Variants in TSHZ2 observed in about 807,000 individuals in gnomAD.
The protein encoded by TSHZ2 is teashirt homolog 2.
Under a neutral mutation model 74.4 loss-of-function variants are expected in TSHZ2, and 21 were observed. That is an observed-to-expected ratio of 0.28 (90% CI 0.20 to 0.41). The LOEUF (loss-of-function observed/expected upper bound fraction) is 0.41, where lower values mean the gene tolerates loss of function less well. Among genes scored for constraint, TSHZ2 ranks in the 10% least tolerant of loss-of-function variants. TSHZ2 has a pLI of 1.00. For synonymous variants in TSHZ2, 540 were observed against 515.3 expected (o/e 1.05, Z -0.65); for missense variants, 1,244 against 1,293.5 (o/e 0.96, Z 0.59).
At chr20:53,295,205 C>A (rs1991352978) in intron 2 of TSHZ2, among the ~76,000 whole-genome samples, 1 of 152,202 alleles carries the variant, frequency 6.6e-6, no homozygotes. Flanking sequence ...CAAAGCCAGA[C>A]CTCCTGGTTG....
At chr20:53,409,520 T>TA (rs1444046348) in intron 2 of TSHZ2, among the ~76,000 whole-genome samples, 1 of 152,172 alleles carries the variant, frequency 6.6e-6, no homozygotes, top group Non-Finnish European at 1.5e-5. Context: ...CTGCAGAACT[T>TA]AATCAAATAC....
chr20:53,297,314 A>C (rs1991397494), intron 2 of TSHZ2, among the ~76,000 whole-genome samples: 1 of 145,560 alleles, frequency 6.9e-6, no homozygotes, highest in Admixed American at 7.1e-5. Flanking sequence ...GCAGTGATGC[A>C]ATCAGGCTCA....
intron 1 of TSHZ2, among the ~76,000 whole-genome samples, chr20:53,034,242 C>G (rs1983743531): frequency 6.6e-6 from 1 of 152,126 alleles, no homozygotes; most frequent in Non-Finnish European, 1.5e-5. Context: ...CCCCCTTGGA[C>G]AGGTTACTTA....
intron 2 of TSHZ2, among the ~76,000 whole-genome samples, chr20:53,434,510 T>A (rs1488191549): frequency 6.6e-6 from 1 of 152,186 alleles, no homozygotes; most frequent in Non-Finnish European, 1.5e-5. Flanking sequence ...GAAATAGGTT[T>A]TGGAAGAATC....
chr20:53,033,223 A>C lies in TSHZ2; in HGVS notation c.40+59890A>C, dbSNP rs568865607. On this transcript the variant is annotated intron_variant, in intron 1 of 2. Transcript: ENST00000371497. ...AAAACTGATTCTTGCTATCGAGAAT[A>C]GTCCTTTTCTACAGCTGAGAGTTAC... Among the ~76,000 whole-genome samples, 4 of 152,362 alleles carry C rather than the reference A, an allele frequency of 2.6e-5. No homozygotes were observed. In the South Asian group the frequency reaches 8.3e-4, roughly 32 times the overall value.
chr20:53,340,312 G>T (rs1439115020), intron 2 of TSHZ2, among the ~76,000 whole-genome samples: 1 of 150,550 alleles, frequency 6.6e-6, no homozygotes, highest in African/African-American at 2.4e-5. Flanking sequence ...CCTCCGAGTA[G>T]CTGGGACTAC....
chr20:53,193,403 A>T (rs1988788232), intron 1 of TSHZ2, among the ~76,000 whole-genome samples: 1 of 152,208 alleles, frequency 6.6e-6, no homozygotes, highest in African/African-American at 2.4e-5. Flanking sequence ...CTCTGCACCC[A>T]GGCAGTGGCT....
intron 1 of TSHZ2, chr20:53,179,582 A>G (rs924625468): frequency 2.6e-5 from 4 of 152,190 alleles, no homozygotes; most frequent in South Asian, 2.1e-4. Context: ...TTACTGAGTG[A>G]TAGCCCATAA....
chr20:53,359,387 C>A (rs905499408), intron 2 of TSHZ2, among the ~76,000 whole-genome samples: 2 of 152,154 alleles, frequency 1.3e-5, no homozygotes, highest in Non-Finnish European at 2.9e-5. Flanking sequence ...TACATGCCTA[C>A]AATTCCTTAG....
chr20:53,440,302 G>T lies in TSHZ2; in HGVS notation c.*9-46842G>T, dbSNP rs552990958. On this transcript the variant is annotated intron_variant, in intron 2 of 2. Transcript: ENST00000371497. ...AAAGCAGCTGATAACTGATAATGCTGTTGATAGTAACAAGAGGGCAGCCTG... is the reference window on the plus strand; with the variant it reads ...AAAGCAGCTGATAACTGATAATGCTTTTGATAGTAACAAGAGGGCAGCCTG... Among the ~76,000 whole-genome samples the T allele has an allele frequency of 5.3e-4, 80 of 152,300 alleles. 1 individual carries two copies. Among genetic ancestry groups the T allele is most frequent in the African/African-American group, 1.8e-3 (74 of 41,574 alleles).
At chr20:53,080,687 A>G (rs2046242340) in intron 1 of TSHZ2, among the ~76,000 whole-genome samples, 1 of 152,184 alleles carries the variant, frequency 6.6e-6, no homozygotes, top group South Asian at 2.1e-4. Flanking sequence ...GACAGAAGGC[A>G]GAGTTTAGGT....
intron 2 of TSHZ2, among the ~76,000 whole-genome samples, chr20:53,290,206 C>T (rs1991253924): frequency 6.6e-6 from 1 of 151,978 alleles, no homozygotes; most frequent in Admixed American, 6.6e-5. Context: ...ACAATCCCCA[C>T]CACCTCCTAC....
chr20:53,470,112 G>A (rs577854641), intron 2 of TSHZ2, among the ~76,000 whole-genome samples: 1 of 152,276 alleles, frequency 6.6e-6, no homozygotes, highest in East Asian at 1.9e-4. Flanking sequence ...ACAGCAATTA[G>A]TCTCAGTCTC....
At chr20:53,306,427 G>A (rs1280016336) in intron 2 of TSHZ2, among the ~76,000 whole-genome samples, 2 of 152,124 alleles carry the variant, frequency 1.3e-5, no homozygotes, top group Admixed American at 6.5e-5. Context: ...GACAGTGCTG[G>A]AGGTGGTGTT....
In TSHZ2 at chr20:53,442,784, A is replaced by G. The variant is rs138966574; in HGVS notation, c.*9-44360A>G. On this transcript the variant is annotated intron_variant, in intron 2 of 2. Transcript: ENST00000371497. ...GCGTTAGCAAACTTGCCTTAACAACATTGTCAAATATGTATTCCCCCGTTT... is the reference window on the plus strand; with the variant it reads ...GCGTTAGCAAACTTGCCTTAACAACGTTGTCAAATATGTATTCCCCCGTTT... 8.2e-3 allele frequency among the ~76,000 whole-genome samples: 1,255 copies of G among 152,304 alleles called. 23 individuals carry two copies. Among genetic ancestry groups the G allele is most frequent in the African/African-American group, 0.028 (1,180 of 41,566 alleles).
chr20:53,480,996 TTTTA>T (rs1388137774), intron 2 of TSHZ2, among the ~76,000 whole-genome samples: 1 of 151,982 alleles, frequency 6.6e-6, no homozygotes, highest in African/African-American at 2.4e-5. Flanking sequence ...TAATTAAATT[TTTTA>T]TTTATTTCCA....
intron 2 of TSHZ2, among the ~76,000 whole-genome samples, chr20:53,438,832 C>T (rs1178580113): frequency 4.6e-5 from 7 of 152,276 alleles, no homozygotes; most frequent in East Asian, 3.9e-4. Flanking sequence ...TGGTGGCACA[C>T]GCCTGTAATC....
Position 53,452,042 on chromosome 20 carries a change from G to A in TSHZ2, c.*9-35102G>A, listed in dbSNP as rs77217574. Among the ~76,000 whole-genome samples the A allele has an allele frequency of 5.2e-3, 796 of 152,322 alleles. 10 individuals carry two copies. The highest frequency in any genetic ancestry group is 0.018 in the African/African-American group (744 of 41,574). On this transcript the variant is annotated intron_variant, in intron 2 of 2. Coordinates refer to ENST00000371497, the MANE Select transcript of TSHZ2 (RefSeq NM_173485.6). ...TATAGTCAAGAATAGTCAAGACATGGGCAAGACAAGAGTGCTGTCATCAAG... is the reference window on the plus strand; with the variant it reads ...TATAGTCAAGAATAGTCAAGACATGAGCAAGACAAGAGTGCTGTCATCAAG...
chr20:53,454,188 T>A (rs1248843784), intron 2 of TSHZ2, among the ~76,000 whole-genome samples: 1 of 152,142 alleles, frequency 6.6e-6, no homozygotes, highest in African/African-American at 2.4e-5. Flanking sequence ...GGACCCTTGG[T>A]TTCTTTAGGC....
Sources: allele counts gnomAD v4.1 joint callset (sites outside exome capture counted in the v4.1 genomes callset), GRCh38; gene constraint gnomAD v4.1.1; transcripts MANE v1.5; gene names NCBI Gene and HGNC (gene_info 2026-07-23, HGNC 2026-07-21).